Variants in DENND5B observed in about 807,000 individuals in gnomAD.
The protein encoded by DENND5B is DENN domain containing 5B.
DENND5B carries 34 observed loss-of-function variants against 140.6 expected under a neutral mutation model. The ratio of observed to expected loss-of-function variants is 0.24; its 90% CI spans 0.18 to 0.32. DENND5B has a LOEUF of 0.32. DENND5B is among the 10% of genes least tolerant of loss of function. DENND5B has a pLI of 1.00. For synonymous variants in DENND5B, 551 were observed against 562.1 expected, an observed-to-expected ratio of 0.98 and a Z score of 0.28; for missense variants, 1,142 against 1,560.2, an observed-to-expected ratio of 0.73 and a Z score of 4.52.
chr12:31,440,217 G>A (rs149230243), intron 7 of DENND5B, among the ~76,000 whole-genome samples: 87 of 152,080 alleles, frequency 5.7e-4, no homozygotes, highest in African/African-American at 2.1e-3. Flanking sequence ...GTCTCATTAT[G>A]TTGCCTATGC....
At chr12:31,417,152 C>T (rs1353730066) in intron 11 of DENND5B, among the ~76,000 whole-genome samples, 2 of 150,076 alleles carry the variant, frequency 1.3e-5, no homozygotes, top group Admixed American at 6.7e-5. Flanking sequence ...GTCAGGAGAT[C>T]GAGACCACCC....
intron 11 of DENND5B, chr12:31,420,093 T>C (rs1942951449): frequency 1.0e-6 from 1 of 982,762 alleles, no homozygotes; most frequent in African/African-American, 1.8e-5. Flanking sequence ...TGTCTGAAGG[T>C]GCAAAGTTTA....
chr12:31,432,455 C>G (rs1401923355), intron 8 of DENND5B: 1 of 152,060 alleles, frequency 6.6e-6, no homozygotes, highest in African/African-American at 2.4e-5. Context: ...TTGCATTTCT[C>G]TTTTGATCAT....
intron 19 of DENND5B, among the ~76,000 whole-genome samples, 161 bp downstream of exon 19, chr12:31,392,106 T>G (rs140635406): frequency 0.012 from 1,730 of 148,556 alleles, 24 homozygotes; most frequent in African/African-American, 0.041. Context: ...ACCACTGCAC[T>G]CCAGCTTGGG....
chr12:31,421,485 C>T (rs1261817299), intron 11 of DENND5B, among the ~76,000 whole-genome samples: 1 of 152,166 alleles, frequency 6.6e-6, no homozygotes, highest in Non-Finnish European at 1.5e-5. Flanking sequence ...ATAATTACAA[C>T]TTATTACTTA....
intron 1 of DENND5B, among the ~76,000 whole-genome samples, chr12:31,503,910 G>C (rs760945203): frequency 2.0e-5 from 3 of 152,004 alleles, no homozygotes; most frequent in Non-Finnish European, 4.4e-5. Context: ...CAGAAGCCTA[G>C]TTTTAAACAA....
At chr12:31,492,030 A>G (rs1946544105) in intron 2 of DENND5B, among the ~76,000 whole-genome samples, 1 of 152,240 alleles carries the variant, frequency 6.6e-6, no homozygotes, top group Non-Finnish European at 1.5e-5. Flanking sequence ...AGAGGAAATT[A>G]AAGGCAGTAA....
intron 1 of DENND5B, among the ~76,000 whole-genome samples, chr12:31,586,436 T>C (rs1200652162): frequency 6.6e-6 from 1 of 152,202 alleles, no homozygotes; most frequent in Non-Finnish European, 1.5e-5. Context: ...ACAGGTAATA[T>C]GAGTATATCA....
chr12:31,393,149 G>A lies in DENND5B; in HGVS notation c.3257-453C>T, dbSNP rs568823820. ...ATGTTCCCTTATGCTACCCACCTAC[G>A]AGCCTGTTAGTGAAATGTTCCCTTA... On this transcript the variant is annotated intron_variant, in intron 17 of 20. Transcript: ENST00000389082. Among the ~76,000 whole-genome samples the A allele has an allele frequency of 3.3e-5, 5 of 152,108 alleles. No individual in the cohort carries two copies. In the South Asian group the frequency reaches 6.2e-4, roughly 19 times the overall value.
At chr12:31,481,710 CA>C in intron 2 of DENND5B, among the ~76,000 whole-genome samples, 1 of 152,288 alleles carries the variant, frequency 6.6e-6, no homozygotes, top group Non-Finnish European at 1.5e-5. Flanking sequence ...GAGAAATAAT[CA>C]GGGGCTAGCC....
At chr12:31,463,566 T>G (rs1344111126) in intron 3 of DENND5B, among the ~76,000 whole-genome samples, 1 of 152,226 alleles carries the variant, frequency 6.6e-6, no homozygotes, top group Non-Finnish European at 1.5e-5. Context: ...AAGACATGCT[T>G]AGATTTTATT....
chr12:31,500,273 G>A, intron 1 of DENND5B: 1 of 417,988 alleles, frequency 2.4e-6, no homozygotes, highest in Non-Finnish European at 4.6e-6. Context: ...TAGAAAATTA[G>A]AATACTGGCC....
chr12:31,402,339 C>T lies in DENND5B; in HGVS notation c.2949+159G>A, dbSNP rs1179184169. Among the ~76,000 whole-genome samples, 63 of 152,084 alleles carry T rather than the reference C, an allele frequency of 4.1e-4. 1 individual carries two copies. Among genetic ancestry groups the T allele is most frequent in the Admixed American group, 4.1e-3 (63 of 15,254 alleles). ...GCAAAACAAATTAGTATATAAGCTGCTTAAGACAACTTTAGACATATAATC... is the reference window on the plus strand; with the variant it reads ...GCAAAACAAATTAGTATATAAGCTGTTTAAGACAACTTTAGACATATAATC... On this transcript the variant is annotated intron_variant, in intron 15 of 20. Transcript: ENST00000389082.
chr12:31,505,496 C>T (rs1947164872), intron 1 of DENND5B, among the ~76,000 whole-genome samples: 1 of 152,044 alleles, frequency 6.6e-6, no homozygotes, highest in African/African-American at 2.4e-5. Context: ...TTCAGCCTCC[C>T]AAGTGCTGGG....
At chr12:31,489,356 A>G (rs138091695) in intron 2 of DENND5B, among the ~76,000 whole-genome samples, 2,248 of 151,842 alleles carry the variant, frequency 0.015, 31 homozygotes, top group Middle Eastern at 0.037. Context: ...TTGGTAACTC[A>G]AAAGACAAAG....
At chr12:31,450,812 T>C (rs1188312426) in intron 5 of DENND5B, among the ~76,000 whole-genome samples, 1 of 152,068 alleles carries the variant, frequency 6.6e-6, no homozygotes, top group Non-Finnish European at 1.5e-5. Context: ...GTATTATACC[T>C]CAGCAATCAC....
chr12:31,447,324 A>AT (rs1944317167), intron 6 of DENND5B, among the ~76,000 whole-genome samples: 1 of 152,054 alleles, frequency 6.6e-6, no homozygotes, highest in African/African-American at 2.4e-5. Context: ...ACTTGATTCA[A>AT]TTTATTATTG....
At chr12:31,531,371 C>T (rs539671781) in intron 1 of DENND5B, among the ~76,000 whole-genome samples, 4 of 152,202 alleles carry the variant, frequency 2.6e-5, no homozygotes, top group African/African-American at 4.8e-5. Flanking sequence ...CGCTAAGTTT[C>T]GTACTTTCAG....
At chr12:31,503,484 C>T (rs1947087008) in intron 1 of DENND5B, among the ~76,000 whole-genome samples, 1 of 152,120 alleles carries the variant, frequency 6.6e-6, no homozygotes, top group Non-Finnish European at 1.5e-5. Flanking sequence ...GGCTTGAACC[C>T]AGGAGGTGGA....
Sources: gnomAD v4.1 joint callset for allele counts (sites outside exome capture counted in the v4.1 genomes callset) on GRCh38, gnomAD v4.1.1 for gene constraint, MANE v1.5 for transcripts, NCBI Gene and HGNC (gene_info 2026-07-23, HGNC 2026-07-21) for gene names.